DCC: variants seen among roughly 807,000 people sequenced by gnomAD.
The protein encoded by DCC is netrin receptor DCC.
A neutral mutation model predicts 172.5 loss-of-function variants in DCC; 58 were observed. The ratio of observed to expected loss-of-function variants is 0.34; its 90% CI spans 0.27 to 0.42. DCC has a LOEUF of 0.42. DCC is among the 10% of genes least tolerant of loss of function. The pLI, the probability that DCC is intolerant of heterozygous loss-of-function variation, is 1.00. For synonymous variants in DCC, 709 were observed against 644.5 expected (o/e 1.10, Z -1.52); for missense variants, 1,740 against 1,791.0 (o/e 0.97, Z 0.51).
intron 20 of DCC, among the ~76,000 whole-genome samples, chr18:53,414,286 A>T (rs183678255): frequency 6.6e-6 from 1 of 152,232 alleles, no homozygotes; most frequent in East Asian, 1.9e-4. Flanking sequence ...AGTTCCTATA[A>T]ATAATATAAC....
At chr18:53,100,080 G>T (rs777348840) in intron 7 of DCC, among the ~76,000 whole-genome samples, 1 of 151,568 alleles carries the variant, frequency 6.6e-6, no homozygotes, top group Non-Finnish European at 1.5e-5. Flanking sequence ...CCAAGTAGCT[G>T]GGATTATAGG....
intron 2 of DCC, among the ~76,000 whole-genome samples, chr18:52,904,958 TA>T (rs1414654580): frequency 6.6e-6 from 1 of 152,142 alleles, no homozygotes; most frequent in African/African-American, 2.4e-5. Context: ...TGTAATAATT[TA>T]AAAAAACACA....
intron 7 of DCC, among the ~76,000 whole-genome samples, chr18:53,115,870 C>A (rs1405260285): frequency 2.0e-5 from 3 of 151,408 alleles, no homozygotes; most frequent in African/African-American, 7.3e-5. Flanking sequence ...TCTTACTATA[C>A]TGTATTCTGT....
chr18:52,991,023 A>G (rs2041380847), intron 5 of DCC, among the ~76,000 whole-genome samples: 2 of 152,208 alleles, frequency 1.3e-5, no homozygotes, highest in African/African-American at 4.8e-5. Flanking sequence ...TCATACAGCT[A>G]GTAAGCGGAG....
intron 25 of DCC, among the ~76,000 whole-genome samples, chr18:53,483,026 C>T (rs572411739): frequency 6.6e-6 from 1 of 151,900 alleles, no homozygotes; most frequent in Non-Finnish European, 1.5e-5. Flanking sequence ...AATAATACTC[C>T]TAGAAAATCC....
intron 1 of DCC, among the ~76,000 whole-genome samples, chr18:52,739,173 T>A (rs1347308009): frequency 1.3e-5 from 2 of 152,148 alleles, no homozygotes; most frequent in Non-Finnish European, 1.5e-5. Context: ...ATAAGACCAC[T>A]GTCATACATG....
chr18:53,529,313 G>A (rs1348629275), intron 28 of DCC, among the ~76,000 whole-genome samples: 1 of 151,988 alleles, frequency 6.6e-6, no homozygotes, highest in Non-Finnish European at 1.5e-5. Flanking sequence ...TGAGATCAAG[G>A]GTACTTATTT....
intron 12 of DCC, among the ~76,000 whole-genome samples, chr18:53,262,296 A>T (rs1019146676): frequency 2.0e-5 from 3 of 152,204 alleles, no homozygotes; most frequent in Admixed American, 2.0e-4. Context: ...AATCAACTCT[A>T]TATACAGACC....
chr18:52,644,911 A>T (rs182093701), intron 1 of DCC, among the ~76,000 whole-genome samples: 2 of 151,358 alleles, frequency 1.3e-5, no homozygotes, highest in Non-Finnish European at 2.9e-5. Flanking sequence ...GACTACTCTA[A>T]AAAGTATATT....
intron 3 of DCC, among the ~76,000 whole-genome samples, chr18:52,920,736 T>C (rs1043940870): frequency 1.3e-5 from 2 of 152,202 alleles, no homozygotes; most frequent in African/African-American, 4.8e-5. Flanking sequence ...TGAATGTTTA[T>C]AGCAGATTTG....
intron 1 of DCC, among the ~76,000 whole-genome samples, chr18:52,508,140 G>A (rs537326883): frequency 7.9e-5 from 12 of 152,000 alleles, no homozygotes; most frequent in East Asian, 3.9e-4. Flanking sequence ...CCTAATCTAC[G>A]GGGACCAGTA....
chr18:53,263,995 G>A (rs1224738739), intron 12 of DCC, among the ~76,000 whole-genome samples: 1 of 151,976 alleles, frequency 6.6e-6, no homozygotes, highest in Non-Finnish European at 1.5e-5. Flanking sequence ...GATTCACAAA[G>A]CATATTTTCA....
At position 53,105,824 on chromosome 18, in the gene DCC, C is replaced by G. The variant is rs116982971; in HGVS notation, c.1261+39658C>G. On this transcript the variant is annotated intron_variant, in intron 7 of 28. Transcript: ENST00000442544. ...CTGACAATTTGTAGTCTCATACCCT[C>G]ACTTTCTGCCATCATGCCTGCCTGG... Among the ~76,000 whole-genome samples the G allele has an allele frequency of 5.5e-3, 842 of 151,820 alleles. 6 individuals carry two copies. Among genetic ancestry groups the G allele is most frequent in the Admixed American group, 0.022 (337 of 15,214 alleles).
At chr18:52,831,380 C>T (rs1353373790) in intron 2 of DCC, among the ~76,000 whole-genome samples, 2 of 152,210 alleles carry the variant, frequency 1.3e-5, no homozygotes, top group Non-Finnish European at 1.5e-5. Flanking sequence ...TGATCAAGCA[C>T]ATCGTTCTGG....
intron 15 of DCC, among the ~76,000 whole-genome samples, chr18:53,361,026 TGA>T (rs1404766123): frequency 6.6e-6 from 1 of 152,222 alleles, no homozygotes; most frequent in East Asian, 1.9e-4. Flanking sequence ...GAAGTCTAGA[TGA>T]GATCATCCTT....
chr18:52,627,224 T>C (rs1226670283), intron 1 of DCC, among the ~76,000 whole-genome samples: 1 of 152,182 alleles, frequency 6.6e-6, no homozygotes, highest in Non-Finnish European at 1.5e-5. Flanking sequence ...ACTTCATATT[T>C]TTATTTGACT....
intron 2 of DCC, among the ~76,000 whole-genome samples, chr18:52,873,842 G>A (rs1014746016): frequency 2.6e-5 from 4 of 152,182 alleles, no homozygotes; most frequent in African/African-American, 9.7e-5. Context: ...TGTGAATATC[G>A]GCTAATGAGT....
At chr18:53,431,093 T>C (rs1911579920) in intron 21 of DCC, among the ~76,000 whole-genome samples, 1 of 152,034 alleles carries the variant, frequency 6.6e-6, no homozygotes, top group African/African-American at 2.4e-5. Flanking sequence ...AAATAAAATA[T>C]ATTTAAATAT....
At chr18:53,350,795 A>G (rs953196454) in intron 15 of DCC, among the ~76,000 whole-genome samples, 5 of 152,064 alleles carry the variant, frequency 3.3e-5, no homozygotes, top group African/African-American at 1.2e-4. Flanking sequence ...TTTAATTAGT[A>G]TTAATTTAAA....
Sources: allele counts gnomAD v4.1 joint callset (sites outside exome capture counted in the v4.1 genomes callset), GRCh38; gene constraint gnomAD v4.1.1; transcripts MANE v1.5; gene names NCBI Gene and HGNC (gene_info 2026-07-23, HGNC 2026-07-21).